BCL11A: variants seen among roughly 807,000 people sequenced by gnomAD.
The protein encoded by BCL11A is BCL11 transcription factor A.
Under a neutral mutation model 55.9 loss-of-function variants are expected in BCL11A, and 2 were observed. That is an observed-to-expected ratio of 0.04 (90% CI 0.01 to 0.11). The LOEUF is 0.11. Ranked by LOEUF, BCL11A falls within the 10% of genes least tolerant of loss-of-function variation. The pLI is 1.00. For missense variants in BCL11A, 817 were observed against 1,137.1 expected (o/e 0.72, Z 4.05); for synonymous variants, 465 against 473.4 (o/e 0.98, Z 0.23).
At chr2:60,547,399 T>C (rs1394759227) in intron 1 of BCL11A, among the ~76,000 whole-genome samples, 17 of 152,068 alleles carry the variant, frequency 1.1e-4, no homozygotes, top group Non-Finnish European at 2.4e-4. Flanking sequence ...TTTTTAACTT[T>C]GTACTAAAAT....
At chr2:60,467,906 A>ATGGTGGTGG (rs754981583) in intron 3 of BCL11A, among the ~76,000 whole-genome samples, 28 of 8,468 alleles carry the variant, frequency 3.3e-3, no homozygotes, top group Non-Finnish European at 6.8e-3. Context: ...GGTGGTGGTA[A>ATGGTGGTGG]TGGTGGTGGT....
intron 2 of BCL11A, chr2:60,535,186 G>T (rs974308749): frequency 6.6e-6 from 1 of 152,230 alleles, no homozygotes; most frequent in Non-Finnish European, 1.5e-5. Flanking sequence ...TTTAGCCTTT[G>T]AAGATTAAAG....
chr2:60,516,665 T>C (rs773559973), intron 2 of BCL11A, among the ~76,000 whole-genome samples: 17 of 152,208 alleles, frequency 1.1e-4, no homozygotes, highest in Non-Finnish European at 2.1e-4. Context: ...TCAGGACAAC[T>C]GGGAGTGAAA....
chr2:60,512,571 T>C (rs907093103), intron 2 of BCL11A, among the ~76,000 whole-genome samples: 2 of 152,162 alleles, frequency 1.3e-5, no homozygotes, highest in Non-Finnish European at 2.9e-5. Context: ...ACAAATCCAA[T>C]GCTAAATTGT....
In BCL11A at chr2:60,458,484, T is replaced by C. The variant is rs1463253270; in HGVS notation, c.*1920A>G. ...GTTTTGTACAAAAAAATCCTTGCAC[T>C]GTAGAAGCGAAAGCAATCATTCATT... On this transcript the variant is annotated 3_prime_UTR_variant, in exon 4 of 4. Transcript: ENST00000642384. The C allele has an allele frequency of 3.9e-6, 4 of 1,031,102 alleles. No homozygotes were observed. Among genetic ancestry groups the C allele is most frequent in the Non-Finnish European group, 4.7e-6 (4 of 856,894 alleles). 63.9% of individuals were successfully genotyped at this position (1,031,102 alleles called of 1,614,324 possible). A position where few individuals can be genotyped will look rare whatever the true frequency, so the allele number is the denominator to read the frequency against.
chr2:60,508,368 AG>A (rs1679765481), intron 2 of BCL11A, among the ~76,000 whole-genome samples: 1 of 152,204 alleles, frequency 6.6e-6, no homozygotes, highest in South Asian at 2.1e-4. Flanking sequence ...CACTCCCTGC[AG>A]GGGCCACAGG....
chr2:60,506,582 G>A (rs553999652), intron 2 of BCL11A, among the ~76,000 whole-genome samples: 72 of 152,194 alleles, frequency 4.7e-4, no homozygotes, highest in African/African-American at 1.7e-3. Flanking sequence ...ACAAAACACA[G>A]CACCCACGTG....
chr2:60,503,346 T>C (rs1290887505), intron 2 of BCL11A, among the ~76,000 whole-genome samples: 2 of 152,196 alleles, frequency 1.3e-5, no homozygotes, highest in East Asian at 3.8e-4. Context: ...TGTGACTTTT[T>C]ATTAAAAACC....
At chr2:60,505,761 G>A (rs1679554259) in intron 2 of BCL11A, among the ~76,000 whole-genome samples, 1 of 152,178 alleles carries the variant, frequency 6.6e-6, no homozygotes, top group Non-Finnish European at 1.5e-5. Context: ...TCTCTACCTG[G>A]GTCTATCATT....
At chr2:60,516,272 C>T (rs1668724277) in intron 2 of BCL11A, among the ~76,000 whole-genome samples, 1 of 152,196 alleles carries the variant, frequency 6.6e-6, no homozygotes, top group Non-Finnish European at 1.5e-5. Flanking sequence ...AACACAATGA[C>T]CCACTCCTAT....
intron 2 of BCL11A, among the ~76,000 whole-genome samples, chr2:60,503,696 G>A (rs1679418408): frequency 6.6e-6 from 1 of 152,094 alleles, no homozygotes; most frequent in Admixed American, 6.5e-5. Context: ...TCACCCTCCT[G>A]GAAACCTATA....
At chr2:60,481,769 A>T (rs1400873060) in intron 2 of BCL11A, among the ~76,000 whole-genome samples, 2 of 152,208 alleles carry the variant, frequency 1.3e-5, no homozygotes, top group Non-Finnish European at 2.9e-5. Context: ...ATTTTCTAAC[A>T]GAACCCTAGT....
At position 60,457,396 on chromosome 2, in the gene BCL11A, A is replaced by G. The variant is rs1675989748; in HGVS notation, c.*3008T>C. 9.7e-7 allele frequency: 1 copy of G among 1,027,592 alleles called. No homozygotes were observed. Among genetic ancestry groups the G allele is most frequent in the South Asian group, 4.6e-5 (1 of 21,578 alleles). 63.7% of individuals were successfully genotyped at this position (1,027,592 alleles called of 1,614,324 possible). ...AAAAAAATAAAAACAAAGAAAAATA[A>G]AAGATCAAATTAAGTGCCTCTGTTT... On this transcript the variant is annotated 3_prime_UTR_variant, in exon 4 of 4. Transcript: ENST00000642384.
At position 60,546,011 on chromosome 2, in the gene BCL11A, C is replaced by T. The variant is rs114428022; in HGVS notation, c.345G>A (p.Thr115=). The T allele has an allele frequency of 6.8e-6, 11 of 1,614,208 alleles. No individual in the cohort carries two copies. Among genetic ancestry groups the T allele is most frequent in the African/African-American group, 2.7e-5 (2 of 75,056 alleles). The change falls in exon 2 of 4, where the codon ACG becomes ACA. Residue 115 remains threonine, a synonymous_variant. Coordinates refer to ENST00000642384, the MANE Select transcript of BCL11A (RefSeq NM_022893.4). The surrounding 1 kb of genome is among the most constrained non-coding windows in gnomAD (Gnocchi z 4.1). ...VTPEDDDCLS[T]SSRGICPKQE... is the part of the protein sequence containing the mutation. ...GTTTGGGGCAAATTCCTCTAGATGA[C>T]GTTGATAAACAATCGTCATCCTCTG...
chr2:60,484,079 C>G (rs1487822724), intron 2 of BCL11A: 1 of 152,224 alleles, frequency 6.6e-6, no homozygotes, highest in East Asian at 1.9e-4. Flanking sequence ...CTCAGATTTT[C>G]TGCAAATGCA....
chr2:60,474,210 C>T (rs1037028718), intron 2 of BCL11A, among the ~76,000 whole-genome samples: 2 of 152,112 alleles, frequency 1.3e-5, no homozygotes, highest in Admixed American at 6.5e-5. Flanking sequence ...TGACATTTTG[C>T]GTGCCCCTTT....
intron 2 of BCL11A, among the ~76,000 whole-genome samples, chr2:60,539,361 A>AC (rs45612539): frequency 1.3e-5 from 2 of 152,000 alleles, no homozygotes; most frequent in Non-Finnish European, 2.9e-5. Context: ...TGACCTCACC[A>AC]CCCCCCATGC....
chr2:60,493,544 G>C (rs879878902), intron 2 of BCL11A, among the ~76,000 whole-genome samples: 3 of 152,116 alleles, frequency 2.0e-5, no homozygotes, highest in Admixed American at 6.5e-5. Flanking sequence ...GATGGGAAGA[G>C]ACCCCAAAAC....
intron 2 of BCL11A, among the ~76,000 whole-genome samples, chr2:60,530,272 G>T (rs1405523972): frequency 6.8e-6 from 1 of 146,036 alleles, no homozygotes; most frequent in Admixed American, 7.0e-5. Context: ...GCATATTATC[G>T]TTCTCAGCCA....
Sources: gnomAD v4.1 joint callset for allele counts (sites outside exome capture counted in the v4.1 genomes callset) on GRCh38, gnomAD v4.1.1 for gene constraint, Gnocchi (gnomAD v3.1) non-coding constraint, MANE v1.5 for transcripts, NCBI Gene and HGNC (gene_info 2026-07-23, HGNC 2026-07-21) for gene names.